The following ITSN1 variants were observed in gnomAD, a reference collection of about 807,000 sequenced individuals.
ITSN1 encodes the protein intersectin 1, also known as intersectin-1.
A neutral mutation model predicts 239.8 loss-of-function variants in ITSN1; 58 were observed. The ratio of observed to expected loss-of-function variants is 0.24; its 90% CI spans 0.20 to 0.30. ITSN1 has a LOEUF of 0.30. Ranked by LOEUF, ITSN1 falls within the 10% of genes least tolerant of loss-of-function variation. The probability of loss-of-function intolerance (pLI) is 1.00; values close to 1 mark genes in which losing one functional copy is unlikely to be tolerated. For missense variants in ITSN1, 1,558 were observed against 2,103.3 expected (o/e 0.74, Z 5.07); for synonymous variants, 780 against 770.8 (o/e 1.01, Z -0.20).
intron 4 of ITSN1, among the ~76,000 whole-genome samples, chr21:33,726,115 T>C (rs2065817071): frequency 1.3e-5 from 2 of 152,250 alleles, no homozygotes; most frequent in Non-Finnish European, 1.5e-5. Flanking sequence ...TGCCTCAGCC[T>C]CCCAAGTAGC....
In ITSN1 at chr21:33,811,107, G is replaced by C; in HGVS notation, c.2452G>C (p.Asp818His). Residue 818 changes from aspartate (D) to histidine (H), a missense_variant, in exon 21 of 40, where the codon GAT (aspartate) becomes CAT (histidine). Asp to His is a moderately conservative substitution (Grantham distance 81). Coordinates refer to ENST00000381318, the MANE Select transcript of ITSN1 (RefSeq NM_003024.3). The part of the protein sequence containing the change: ...EVPAPVKPVT[D>H]STSAPAPKLA... ...TCCCGCTCCAGTGAAACCAGTGACT[G>C]ATTCAACATCTGCCCCTGCCCCCAA... The C allele has an allele frequency of 6.2e-7, 1 of 1,614,212 alleles. No homozygotes were observed. The highest frequency in any genetic ancestry group is 8.5e-7 in the Non-Finnish European group (1 of 1,180,036).
chr21:33,719,934 C>G (rs944957630), intron 2 of ITSN1, among the ~76,000 whole-genome samples: 2 of 152,100 alleles, frequency 1.3e-5, no homozygotes, highest in Non-Finnish European at 2.9e-5. Context: ...TTCATATTAA[C>G]GGATTACTCT....
rs181550709 is a variant in ITSN1, at chr21:33,882,909, G to A, written c.4554+454G>A. ...CAAAGTCTCTCTAAACAGTTGATAC[G>A]TGGAGAATTTCCCTCAGCTGTTTAT... On this transcript the variant is annotated intron_variant, in intron 35 of 39. Coordinates refer to ENST00000381318, the MANE Select transcript of ITSN1 (RefSeq NM_003024.3). The surrounding 1 kb of genome is among the most constrained non-coding windows in gnomAD (Gnocchi z 4.5). Among the ~76,000 whole-genome samples, 33 of 152,302 alleles carry A rather than the reference G, an allele frequency of 2.2e-4. No homozygotes were observed. The East Asian group carries it at 4.1e-3, about 19-fold the overall frequency.
chr21:33,697,874 A>G (rs2091865207), intron 1 of ITSN1, among the ~76,000 whole-genome samples: 1 of 152,216 alleles, frequency 6.6e-6, no homozygotes, highest in Non-Finnish European at 1.5e-5. Context: ...GGGCTCTACA[A>G]TCTGATTTTT....
intron 25 of ITSN1, among the ~76,000 whole-genome samples, chr21:33,824,105 G>A (rs954446612): frequency 3.9e-5 from 6 of 152,132 alleles, no homozygotes; most frequent in Non-Finnish European, 8.8e-5. Flanking sequence ...AGAATTTCTG[G>A]TTTTGCCCAC....
intron 16 of ITSN1, among the ~76,000 whole-genome samples, chr21:33,786,528 C>T (rs1341558691): frequency 6.6e-6 from 1 of 152,162 alleles, no homozygotes; most frequent in African/African-American, 2.4e-5. Flanking sequence ...GACAGTAGCA[C>T]CTGACTTTAC....
At chr21:33,747,318 AT>A (rs1232724850) in intron 5 of ITSN1, among the ~76,000 whole-genome samples, 10 of 152,368 alleles carry the variant, frequency 6.6e-5, no homozygotes, top group African/African-American at 2.2e-4. Flanking sequence ...TTGAAAAAAA[AT>A]AACAAAGTTT....
intron 33 of ITSN1, among the ~76,000 whole-genome samples, chr21:33,873,013 G>C (rs537392290): frequency 1.3e-5 from 2 of 152,306 alleles, no homozygotes; most frequent in African/African-American, 2.4e-5. Context: ...AGATTTGACT[G>C]CATGTTAGAA....
chr21:33,716,597 G>A (rs2065156928), intron 1 of ITSN1: 1 of 152,146 alleles, frequency 6.6e-6, no homozygotes. Flanking sequence ...AAGCCCATCA[G>A]TCAACAAGCT....
At chr21:33,652,281 A>T (rs1187572908) in intron 1 of ITSN1, among the ~76,000 whole-genome samples, 3 of 152,084 alleles carry the variant, frequency 2.0e-5, no homozygotes, top group African/African-American at 7.3e-5. Context: ...ATAGTTATTT[A>T]GGAGAATGTG....
At chr21:33,748,458 GA>G (rs776478365) in intron 5 of ITSN1, among the ~76,000 whole-genome samples, 12 of 150,744 alleles carry the variant, frequency 8.0e-5, no homozygotes, top group Non-Finnish European at 1.2e-4. Flanking sequence ...AATAATAAAA[GA>G]AAAAAAAGAA....
intron 11 of ITSN1, among the ~76,000 whole-genome samples, chr21:33,770,097 C>T (rs1173078451): frequency 6.6e-6 from 1 of 151,878 alleles, no homozygotes; most frequent in Non-Finnish European, 1.5e-5. Flanking sequence ...GAGTTTTGCT[C>T]TTGTTGCCCA....
chr21:33,838,584 C>A, intron 29 of ITSN1: 1 of 352,642 alleles, frequency 2.8e-6, no homozygotes, highest in Non-Finnish European at 4.0e-6. Context: ...AATGGGCCTG[C>A]TGCCCACGTG....
rs770369260 is a variant in ITSN1 at position 33,802,411 on chromosome 21, C to T, written c.2305-19C>T. On this transcript the variant is annotated intron_variant, in intron 19 of 39. Coordinates refer to ENST00000381318, the MANE Select transcript of ITSN1 (RefSeq NM_003024.3). ...CATATATTTTGCCTTGCTTTCAAAC[C>T]TTTGCTTTCCTGGTGGAGGTTAAAG... 6.2e-7 allele frequency: 1 copy of T among 1,612,456 alleles called. No individual in the cohort carries two copies. The highest frequency in any genetic ancestry group is 8.5e-7 in the Non-Finnish European group (1 of 1,178,962).
chr21:33,773,365 T>C (rs1247205071), intron 12 of ITSN1, among the ~76,000 whole-genome samples: 2 of 152,146 alleles, frequency 1.3e-5, no homozygotes, highest in Admixed American at 1.3e-4. Flanking sequence ...CTCCCTATAT[T>C]CTATGGAAGG....
At chr21:33,848,714 A>G (rs903906621) in intron 29 of ITSN1, among the ~76,000 whole-genome samples, 4 of 152,204 alleles carry the variant, frequency 2.6e-5, no homozygotes, top group Non-Finnish European at 4.4e-5. Context: ...CTGAACGCCC[A>G]TGACTCACCA....
At chr21:33,806,180 C>A (rs1339984030) in intron 20 of ITSN1, among the ~76,000 whole-genome samples, 1 of 126,172 alleles carries the variant, frequency 7.9e-6, no homozygotes, top group Non-Finnish European at 1.9e-5. Context: ...CACTGCACTC[C>A]AGCCTGGGCA....
Position 33,899,717 on chromosome 21 carries a change from G to A in ITSN1, c.*11417G>A, listed in dbSNP as rs1366609694. 6.6e-6 allele frequency: 1 copy of A among 151,968 alleles called. No individual in the cohort carries two copies. Among genetic ancestry groups the A allele is most frequent in the African/African-American group, 2.4e-5 (1 of 41,388 alleles). The allele number at this position is 151,968 out of a possible 1,614,324, so 9.4% of individuals were successfully genotyped here. The stretch of plus-strand genomic sequence containing the variant: ...TTTCTTTAAACCAGTAGCAACATCA[G>A]TACAAATTGCTCTTCCTGTGTATCT... On this transcript the variant is annotated 3_prime_UTR_variant, in exon 40 of 40. Transcript: ENST00000381318.
chr21:33,670,083 C>T (rs2146362727), intron 1 of ITSN1, among the ~76,000 whole-genome samples: 1 of 152,280 alleles, frequency 6.6e-6, no homozygotes, highest in South Asian at 2.1e-4. Context: ...ACTGAGAGGC[C>T]AGGTGCCGTG....
Sources: gnomAD v4.1 joint callset for allele counts (sites outside exome capture counted in the v4.1 genomes callset) on GRCh38, gnomAD v4.1.1 for gene constraint, Gnocchi (gnomAD v3.1) non-coding constraint, MANE v1.5 for transcripts, NCBI Gene and HGNC (gene_info 2026-07-23, HGNC 2026-07-21) for gene names.